The following TGFBR3 variants were observed in gnomAD, a reference collection of about 807,000 sequenced individuals.
The protein encoded by TGFBR3 is transforming growth factor beta receptor 3, also known as transforming growth factor beta receptor type 3.
In TGFBR3, 46 loss-of-function variants were observed where a neutral mutation model predicts 87.9. The observed-to-expected ratio is 0.52, with a 90% CI of 0.41 to 0.67. The LOEUF (loss-of-function observed/expected upper bound fraction) is 0.67, where lower values mean the gene tolerates loss of function less well. TGFBR3 is among the 30% of genes least tolerant of loss of function. The pLI, the probability that TGFBR3 is intolerant of heterozygous loss-of-function variation, is 0.00. For missense variants in TGFBR3, 866 were observed against 1,041.9 expected (o/e 0.83, Z 2.32); for synonymous variants, 381 against 391.6 (o/e 0.97, Z 0.32).
intron 2 of TGFBR3, among the ~76,000 whole-genome samples, chr1:91,827,052 C>A (rs901915): frequency 0.87 from 132,124 of 152,152 alleles, 57,702 homozygotes; most frequent in Middle Eastern, 0.91. Flanking sequence ...TTGATTCAAG[C>A]AAAGACCACA....
rs187342498 is a variant in TGFBR3 at position 91,800,656 on chromosome 1, A to G, written c.62-3185T>C. ...TTTTTTCCCTCCAAGATTGAAAAAG[A>G]AAAAAAGCTACAACATATGATTAAA... On this transcript the variant is annotated intron_variant, in intron 2 of 16. Coordinates refer to ENST00000212355, the MANE Select transcript of TGFBR3 (RefSeq NM_003243.5). Among the ~76,000 whole-genome samples the G allele has an allele frequency of 1.1e-4, 16 of 152,194 alleles. 1 individual carries two copies. In the East Asian group the frequency reaches 2.5e-3, roughly 24 times the overall value.
At chr1:91,825,332 G>A (rs1451508978) in intron 2 of TGFBR3, among the ~76,000 whole-genome samples, 7 of 152,206 alleles carry the variant, frequency 4.6e-5, no homozygotes, top group Non-Finnish European at 5.9e-5. Context: ...CCAAATACAT[G>A]CTGCAACATG....
intron 2 of TGFBR3, among the ~76,000 whole-genome samples, chr1:91,861,007 C>T (rs1291582564): frequency 6.6e-6 from 1 of 151,194 alleles, no homozygotes; most frequent in African/African-American, 2.4e-5. Flanking sequence ...TAAATACCTC[C>T]CAAGCAGCCT....
Position 91,681,262 on chromosome 1 carries a change from T to A in TGFBR3, c.*2477A>T. The stretch of plus-strand genomic sequence containing the variant: ...AATACCTTATTTTTTTCATGTTCAT[T>A]TTTTAGAAACATTTCAGAAATACTT... On this transcript the variant is annotated 3_prime_UTR_variant, in exon 17 of 17. Transcript: ENST00000212355. 2.3e-6 allele frequency: 1 copy of A among 441,844 alleles called. No individual in the cohort carries two copies. Among genetic ancestry groups the A allele is most frequent in the South Asian group, 1.6e-5 (1 of 60,918 alleles). The allele number at this position is 441,844 out of a possible 1,614,324, so 27.4% of individuals were successfully genotyped here. A position where few individuals can be genotyped will look rare whatever the true frequency, so the allele number is the denominator to read the frequency against.
intron 4 of TGFBR3, among the ~76,000 whole-genome samples, chr1:91,748,580 G>T (rs1248015528): frequency 6.6e-6 from 1 of 152,184 alleles, no homozygotes; most frequent in Non-Finnish European, 1.5e-5. Flanking sequence ...TGGCTCTATA[G>T]GTTCAATTCT....
chr1:91,760,593 CA>C (rs199854792), intron 3 of TGFBR3, among the ~76,000 whole-genome samples: 1 of 151,954 alleles, frequency 6.6e-6, no homozygotes, highest in Non-Finnish European at 1.5e-5. Flanking sequence ...GGCTAATTTG[CA>C]AAAAAATACA....
chr1:91,698,139 A>G lies in TGFBR3; in HGVS notation c.2288-9T>C, dbSNP rs775268530. 1.2e-6 allele frequency: 2 copies of G among 1,613,154 alleles called. No homozygotes were observed. Among genetic ancestry groups the G allele is most frequent in the Non-Finnish European group, 1.7e-6 (2 of 1,179,126 alleles). ...CATGCTTGGACCTTTTTCTGAAACA[A>G]AAACATAAATCACAATGTATTCTAT... On this transcript the variant is annotated splice_polypyrimidine_tract_variant and intron_variant, in intron 14 of 16. Coordinates refer to ENST00000212355, the MANE Select transcript of TGFBR3 (RefSeq NM_003243.5).
chr1:91,687,259 C>CA (rs1671118114), intron 16 of TGFBR3, among the ~76,000 whole-genome samples: 1 of 152,110 alleles, frequency 6.6e-6, no homozygotes, highest in African/African-American at 2.4e-5. Context: ...TTAGAGACTG[C>CA]AGTGAGCTAT....
chr1:91,735,028 A>T, intron 4 of TGFBR3, 69 bp from the exon 5 acceptor site: 1 of 1,576,450 alleles, frequency 6.3e-7, no homozygotes, highest in Non-Finnish European at 8.7e-7. Context: ...TAGAGAAAGT[A>T]CTTCTCAAAT....
At chr1:91,768,210 C>A (rs1189322993) in intron 3 of TGFBR3, among the ~76,000 whole-genome samples, 1 of 83,626 alleles carries the variant, frequency 1.2e-5, no homozygotes, top group South Asian at 3.9e-4. Context: ...GAAACTCCAT[C>A]TCAAAAAAAA....
chr1:91,800,302 GCATGCA>G (rs1475669471), intron 2 of TGFBR3, among the ~76,000 whole-genome samples: 30 of 136,116 alleles, frequency 2.2e-4, no homozygotes, highest in Non-Finnish European at 3.8e-4. Context: ...ATACATATAT[GCATGCA>G]TATATGTATA....
chr1:91,774,351 G>C (rs981783105), intron 3 of TGFBR3, among the ~76,000 whole-genome samples: 2 of 151,986 alleles, frequency 1.3e-5, no homozygotes, highest in Non-Finnish European at 2.9e-5. Flanking sequence ...TCTCAAGCTG[G>C]TCCCAAACTC....
intron 2 of TGFBR3, among the ~76,000 whole-genome samples, chr1:91,811,571 G>A (rs554598059): frequency 1.3e-5 from 2 of 152,086 alleles, no homozygotes; most frequent in East Asian, 1.9e-4. Flanking sequence ...TTGCTGTGTC[G>A]GGTCAATAAG....
chr1:91,802,142 A>C lies in TGFBR3; in HGVS notation c.62-4671T>G, dbSNP rs78457458. ...TCTCTGGCCAAGAAAGGAAAGAGGC[A>C]GTGTGATTGTATGAAGTTTTCCTTT... On this transcript the variant is annotated intron_variant, in intron 2 of 16. Coordinates refer to ENST00000212355, the MANE Select transcript of TGFBR3 (RefSeq NM_003243.5). 9.8e-3 allele frequency among the ~76,000 whole-genome samples: 1,499 copies of C among 152,254 alleles called. 35 individuals are homozygous for C. Among genetic ancestry groups the C allele is most frequent in the African/African-American group, 0.034 (1,415 of 41,532 alleles).
intron 2 of TGFBR3, among the ~76,000 whole-genome samples, chr1:91,893,627 ATTTGTT>A (rs2101335825): frequency 6.6e-6 from 1 of 152,060 alleles, no homozygotes; most frequent in Admixed American, 6.5e-5. Flanking sequence ...TTAAATAGAA[ATTTGTT>A]TTTATGTTGT....
At chr1:91,752,439 A>G (rs879901606) in intron 4 of TGFBR3, among the ~76,000 whole-genome samples, 1 of 108,124 alleles carries the variant, frequency 9.2e-6, no homozygotes, top group African/African-American at 3.3e-5. Context: ...AATGGCTAGA[A>G]AAAAATAGAT....
intron 16 of TGFBR3, among the ~76,000 whole-genome samples, chr1:91,685,297 G>A (rs560846650): frequency 1.7e-4 from 25 of 149,132 alleles, no homozygotes; most frequent in African/African-American, 4.7e-4. Context: ...ATATTCCTGA[G>A]AAGCGGAGAA....
Position 91,806,217 on chromosome 1 carries a change from T to A in TGFBR3, c.62-8746A>T, listed in dbSNP as rs1448595792. Among the ~76,000 whole-genome samples the A allele has an allele frequency of 2.0e-5, 3 of 152,160 alleles. No homozygotes were observed. The East Asian group carries it at 5.8e-4, about 29-fold the overall frequency. ...CTAAGATCTCGCTATAACATCAATG[T>A]CTAAATTCCCAGTTCCACTTAAAGA... On this transcript the variant is annotated intron_variant, in intron 2 of 16. Transcript: ENST00000212355.
At chr1:91,833,399 TGCAGAGA>T (rs1303298123) in intron 2 of TGFBR3, among the ~76,000 whole-genome samples, 7 of 138,432 alleles carry the variant, frequency 5.1e-5, no homozygotes, top group Non-Finnish European at 1.1e-4. Flanking sequence ...AGGCGGAGGT[TGCAGAGA>T]GCCAAGATCA....
Sources: allele counts gnomAD v4.1 joint callset (sites outside exome capture counted in the v4.1 genomes callset), GRCh38; gene constraint gnomAD v4.1.1; transcripts MANE v1.5; gene names NCBI Gene and HGNC (gene_info 2026-07-23, HGNC 2026-07-21).